The following ADRM1 variants were observed in gnomAD, a reference collection of about 807,000 sequenced individuals.
ADRM1 encodes ADRM1 26S proteasome ubiquitin receptor.
In ADRM1, 2 loss-of-function variants were observed where a neutral mutation model predicts 40.1. The ratio of observed to expected loss-of-function variants is 0.05; its 90% CI spans 0.02 to 0.16. The LOEUF (loss-of-function observed/expected upper bound fraction) is 0.16, where lower values mean the gene tolerates loss of function less well. Ranked by LOEUF, ADRM1 falls within the 10% of genes least tolerant of loss-of-function variation. The pLI, the probability that ADRM1 is intolerant of heterozygous loss-of-function variation, is 1.00. For missense variants in ADRM1, 467 were observed against 552.5 expected (o/e 0.85, Z 1.55); for synonymous variants, 287 against 240.4 (o/e 1.19, Z -1.79).
rs79836754 is a variant in ADRM1, at chr20:62,307,691, C to A, written c.719C>A (p.Thr240Asn). Residue 240 changes from threonine (T) to asparagine (N), a missense_variant, in exon 7 of 10, where the codon ACT becomes AAT. By Grantham distance (65) the Thr-to-Asn change is moderately conservative. Around this residue, in one of 3 missense-constraint regions of ADRM1, gnomAD observed 418 missense variants for 474.6 expected, o/e 0.88. Transcript: ENST00000253003. ...APSAPAAASA[T>N]SPSPAPSSGN... ...TCTGCTCCAGCAGCTGCCTCAGCAA[C>A]TAGCCCGAGCCCCGCGCCCAGTTCC... The A allele has an allele frequency of 0.02, 32,127 of 1,612,274 alleles. 389 individuals are homozygous for A. The highest frequency in any genetic ancestry group is 0.023 in the Non-Finnish European group (27,463 of 1,179,890).
chr20:62,306,334 G>A lies in ADRM1; in HGVS notation c.454+14G>A. On this transcript the variant is annotated intron_variant, in intron 4 of 9. Transcript: ENST00000253003. ...CTGCGCTAGGCGGTAACTGTCACAT[G>A]TGTCACGTGAGCTCAGGGTTTCCTG... 2.5e-6 allele frequency: 4 copies of A among 1,612,668 alleles called. No individual in the cohort carries two copies. The highest frequency in any genetic ancestry group is 3.4e-6 in the Non-Finnish European group (4 of 1,179,848).
chr20:62,308,522 C>T (rs774458082), intron 9 of ADRM1, 52 bp downstream of exon 9: 2 of 1,564,220 alleles, frequency 1.3e-6, no homozygotes. Flanking sequence ...AGGGTCCATT[C>T]CTGTCCCCCT....
chr20:62,307,946 G>C (rs1181917549), intron 7 of ADRM1, 75 bp from the exon 8 acceptor site: 3 of 1,561,976 alleles, frequency 1.9e-6, no homozygotes, highest in Non-Finnish European at 2.6e-6. Flanking sequence ...GCCATGGGCT[G>C]AGTCCCTGCT....
intron 3 of ADRM1, among the ~76,000 whole-genome samples, chr20:62,304,791 A>T (rs769032288): frequency 7.2e-5 from 11 of 152,210 alleles, no homozygotes; most frequent in African/African-American, 2.7e-4. Context: ...GCTGCGGGCA[A>T]CCGATTGCGG....
chr20:62,307,464 C>A lies in ADRM1; in HGVS notation c.623+12C>A. 6.2e-7 allele frequency: 1 copy of A among 1,607,828 alleles called. No individual in the cohort carries two copies. The highest frequency in any genetic ancestry group is 1.3e-5 in the African/African-American group (1 of 75,026). ...AGCTCCTCCTCCAGGTGAGCCTCAT[C>A]GCTCCTGCCACGCAGGTGCCACGGT... On this transcript the variant is annotated intron_variant, in intron 6 of 9. Transcript: ENST00000253003.
At position 62,306,749 on chromosome 20, in the gene ADRM1, CCGGGCTCT is replaced by C; in HGVS notation, c.541+21_541+28del. The stretch of plus-strand genomic sequence containing the variant: ...TGGAGGACTGGGTAACGTGCGCCAC[CCGGGCTCT>C]CGGGCAGCTTCTGCTGGGAATGCTT... On this transcript the variant is annotated intron_variant, in intron 5 of 9. Coordinates refer to ENST00000253003, the MANE Select transcript of ADRM1 (RefSeq NM_007002.4). 6.3e-7 allele frequency: 1 copy of C among 1,590,934 alleles called. No individual in the cohort carries two copies. Among genetic ancestry groups the C allele is most frequent in the East Asian group, 2.3e-5 (1 of 44,260 alleles).
At position 62,308,061 on chromosome 20, in the gene ADRM1, C is replaced by A; in HGVS notation, c.897C>A (p.Pro299=). The change falls in exon 8 of 10, where the codon CCC becomes CCA. Residue 299 remains proline (P), a synonymous_variant. Transcript: ENST00000253003. ...ASVLTPEIMA[P]ILANADVQER... Reference sequence around the variant, plus strand: ...TGCTGACGCCGGAGATAATGGCTCCCATCCTCGCCAACGCGGATGTCCAGG... The same window carrying A: ...TGCTGACGCCGGAGATAATGGCTCCAATCCTCGCCAACGCGGATGTCCAGG... The A allele has an allele frequency of 6.2e-7, 1 of 1,611,732 alleles. No individual in the cohort carries two copies. The highest frequency in any genetic ancestry group is 8.5e-7 in the Non-Finnish European group (1 of 1,179,686).
At position 62,306,748 on chromosome 20, in the gene ADRM1, C is replaced by T. The variant is rs1601240089; in HGVS notation, c.541+14C>T. The T allele has an allele frequency of 6.3e-7, 1 of 1,591,204 alleles. No individual in the cohort carries two copies. The highest frequency in any genetic ancestry group is 8.6e-7 in the Non-Finnish European group (1 of 1,167,576). On this transcript the variant is annotated intron_variant, in intron 5 of 9. Transcript: ENST00000253003. Reference sequence around the variant, plus strand: ...TTGGAGGACTGGGTAACGTGCGCCACCCGGGCTCTCGGGCAGCTTCTGCTG... The same window carrying T: ...TTGGAGGACTGGGTAACGTGCGCCATCCGGGCTCTCGGGCAGCTTCTGCTG...
In ADRM1 at chr20:62,307,646, C is replaced by T. The variant is rs773135558; in HGVS notation, c.674C>T (p.Thr225Ile). The change falls in exon 7 of 10, where the codon ACC (threonine) becomes ATC (isoleucine). Residue 225 changes from threonine to isoleucine, a missense_variant. Physicochemically the swap from Thr to Ile is moderately conservative, Grantham distance 89 (BLOSUM62 -1). Transcript: ENST00000253003. ...ACCCCGTCATCCACCACCTCTTCCA[C>T]CCGTGCCACCCCAGCCCCTTCTGCT... ...AVTPSSTTSS[T>I]RATPAPSAPA... The T allele has an allele frequency of 5.0e-6, 8 of 1,612,096 alleles. No homozygotes were observed. In the South Asian group the frequency reaches 8.8e-5, roughly 18 times the overall value.
In ADRM1 at chr20:62,307,449, C is replaced by A. The variant is rs780267914; in HGVS notation, c.620C>A (p.Ser207Tyr). The part of the protein sequence containing the change: ...SSGPPGSSSS[S>Y]SSRSQSAAVT... ...GGGCCTCCAGGGAGCAGCTCCTCCT[C>A]CAGGTGAGCCTCATCGCTCCTGCCA... The change falls in exon 6 of 10, where the codon TCC (serine) becomes TAC (tyrosine). Residue 207 changes from serine (S) to tyrosine (Y), a missense_variant. By Grantham distance (144) the Ser-to-Tyr change is moderately radical. Around this residue, in one of 3 missense-constraint regions of ADRM1, gnomAD observed 418 missense variants for 474.6 expected, o/e 0.88. Transcript: ENST00000253003. 6.2e-7 allele frequency: 1 copy of A among 1,609,002 alleles called. No individual in the cohort carries two copies. The highest frequency in any genetic ancestry group is 1.1e-5 in the South Asian group (1 of 90,888).
intron 2 of ADRM1, 142 bp from the exon 3 acceptor site, chr20:62,304,319 G>A (rs1984569640): frequency 4.6e-6 from 3 of 655,552 alleles, no homozygotes; most frequent in African/African-American, 1.8e-5. Flanking sequence ...GCCTTGTGGA[G>A]ACCCTGCCAG....
intron 3 of ADRM1, chr20:62,305,754 G>A (rs371008144): frequency 4.5e-5 from 9 of 199,522 alleles, no homozygotes; most frequent in East Asian, 2.3e-4. Context: ...GTGCACACGC[G>A]TGTGCTCGAT....
chr20:62,308,234 G>C (rs1407294707), intron 8 of ADRM1, 56 bp downstream of exon 8: 2 of 1,558,700 alleles, frequency 1.3e-6, no homozygotes, highest in African/African-American at 2.7e-5. Context: ...GGGCAGGGGG[G>C]AGGAGGAGGC....
intron 5 of ADRM1, 135 bp downstream of exon 5, chr20:62,306,869 C>T (rs750439967): frequency 3.3e-5 from 30 of 899,308 alleles, no homozygotes; most frequent in Non-Finnish European, 4.1e-5. Context: ...GCTGGTTCCC[C>T]TTTGGGAATG....
rs935122651 is a variant in ADRM1, at chr20:62,308,378, T to G, written c.1025T>G (p.Met342Arg). The G allele has an allele frequency of 6.2e-7, 1 of 1,603,736 alleles. No individual in the cohort carries two copies. Among genetic ancestry groups the G allele is most frequent in the Non-Finnish European group, 8.5e-7 (1 of 1,176,816 alleles). Residue 342 changes from methionine to arginine, a missense_variant, in exon 9 of 10, where the codon ATG (methionine) becomes AGG (arginine). Met to Arg is a moderately conservative substitution (Grantham distance 91). Around this residue, in one of 3 missense-constraint regions of ADRM1, gnomAD observed 418 missense variants for 474.6 expected, o/e 0.88. Transcript: ENST00000253003. Reference sequence around the variant, plus strand: ...TGGCTCTTCTTGCAGGCCCTGGGCATGTTCAGCGCAGCCTTGGCCTCGGGG... The same window carrying G: ...TGGCTCTTCTTGCAGGCCCTGGGCAGGTTCAGCGCAGCCTTGGCCTCGGGG... ...TSPQFQQALG[M>R]FSAALASGQL...
intron 8 of ADRM1, 59 bp downstream of exon 8, chr20:62,308,237 G>A: frequency 6.4e-7 from 1 of 1,557,356 alleles, no homozygotes; most frequent in Non-Finnish European, 8.7e-7. Flanking sequence ...CAGGGGGGAG[G>A]AGGAGGCCCT....
At position 62,308,785 on chromosome 20, in the gene ADRM1, C is replaced by G; in HGVS notation, c.*24C>G. On this transcript the variant is annotated 3_prime_UTR_variant, in exon 10 of 10. Coordinates refer to ENST00000253003, the MANE Select transcript of ADRM1 (RefSeq NM_007002.4). ...GAGCCACGCGCCGTCCTCCGAGGAA[C>G]TGGGCGCTTGCAGTGCGTTGCACAC... 6.2e-7 allele frequency: 1 copy of G among 1,611,760 alleles called. No individual in the cohort carries two copies. The highest frequency in any genetic ancestry group is 8.5e-7 in the Non-Finnish European group (1 of 1,179,532).
chr20:62,303,450 C>G, intron 1 of ADRM1, 118 bp from the exon 2 acceptor site: 1 of 1,029,380 alleles, frequency 9.7e-7, no homozygotes, highest in South Asian at 1.6e-5. Flanking sequence ...GTGTCTGAGT[C>G]TGCCTTAGGC....
intron 9 of ADRM1, 40 bp downstream of exon 9, chr20:62,308,510 G>T: frequency 6.4e-7 from 1 of 1,571,794 alleles, no homozygotes; most frequent in Non-Finnish European, 8.6e-7. Flanking sequence ...AGAGCCAGGG[G>T]CAGGGTCCAT....
Sources: gnomAD v4.1 joint callset for allele counts (sites outside exome capture counted in the v4.1 genomes callset) on GRCh38, gnomAD v4.1.1 for gene constraint, gnomAD v4.1.1 regional missense constraint, MANE v1.5 for transcripts, NCBI Gene and HGNC (gene_info 2026-07-23, HGNC 2026-07-21) for gene names.